The following SAMD4B variants were observed in gnomAD, a reference collection of about 807,000 sequenced individuals.
SAMD4B encodes sterile alpha motif domain containing 4B.
A neutral mutation model predicts 74.5 loss-of-function variants in SAMD4B; 5 were observed. The ratio of observed to expected loss-of-function variants is 0.07; its 90% CI spans 0.04 to 0.14. SAMD4B has a LOEUF of 0.14. Ranked by LOEUF, SAMD4B falls within the 10% of genes least tolerant of loss-of-function variation. The probability of loss-of-function intolerance (pLI) is 1.00; values close to 1 mark genes in which losing one functional copy is unlikely to be tolerated. For synonymous variants in SAMD4B, 373 were observed against 374.9 expected (o/e 1.00, Z 0.06); for missense variants, 608 against 921.8 (o/e 0.66, Z 4.41).
At chr19:39,342,735 C>T (rs1182289568) in intron 1 of SAMD4B, among the ~76,000 whole-genome samples, 159 bp downstream of exon 1, 5 of 151,044 alleles carry the variant, frequency 3.3e-5, no homozygotes, top group African/African-American at 1.2e-4. Context: ...CTCGGGGGGC[C>T]GGGCCCCACG....
chr19:39,384,625 G>A lies in SAMD4B; in HGVS notation c.*1098G>A, dbSNP rs190334079. The A allele has an allele frequency of 4.6e-5, 7 of 152,534 alleles. No homozygotes were observed. Among genetic ancestry groups the A allele is most frequent in the South Asian group, 2.1e-4 (1 of 4,810 alleles). The allele number at this position is 152,534 out of a possible 1,614,324, so 9.4% of individuals were successfully genotyped here. ...GAGATTCGTCCCAGCCCCAGAGTCC[G>A]ACAGACTGTCTGGTCCCTATTCCTA... On this transcript the variant is annotated 3_prime_UTR_variant, in exon 14 of 14. Coordinates refer to ENST00000610417, the MANE Select transcript of SAMD4B (RefSeq NM_001384574.2).
At chr19:39,367,840 T>C (rs2077058101) in intron 3 of SAMD4B, among the ~76,000 whole-genome samples, 1 of 150,824 alleles carries the variant, frequency 6.6e-6, no homozygotes. Context: ...AGAGTCAGAC[T>C]TGTAACAGTT....
At chr19:39,344,607 A>G (rs1464116627) in intron 1 of SAMD4B, among the ~76,000 whole-genome samples, 1 of 152,012 alleles carries the variant, frequency 6.6e-6, no homozygotes, top group East Asian at 1.9e-4. Context: ...ATTGCTATTT[A>G]CACCCTCTCA....
intron 1 of SAMD4B, among the ~76,000 whole-genome samples, chr19:39,343,572 C>G (rs1021250281): frequency 1.3e-5 from 2 of 151,306 alleles, no homozygotes; most frequent in African/African-American, 4.9e-5. Context: ...GGCCTCCTGT[C>G]TCCCCCTGGT....
chr19:39,346,406 A>C (rs1009279702), intron 1 of SAMD4B, among the ~76,000 whole-genome samples: 1 of 152,196 alleles, frequency 6.6e-6, no homozygotes, highest in African/African-American at 2.4e-5. Context: ...CTCTTCACCC[A>C]AAAGATAGAG....
intron 3 of SAMD4B, among the ~76,000 whole-genome samples, chr19:39,361,690 G>A (rs1425096755): frequency 4.0e-5 from 6 of 151,738 alleles, no homozygotes; most frequent in African/African-American, 1.2e-4. Flanking sequence ...TTCGGAGGCC[G>A]AGGTGGGCGG....
intron 3 of SAMD4B, among the ~76,000 whole-genome samples, chr19:39,362,728 A>G (rs1452273368): frequency 6.6e-6 from 1 of 152,094 alleles, no homozygotes; most frequent in East Asian, 1.9e-4. Flanking sequence ...GGGGAGCTGA[A>G]TTCCACTTCC....
rs758114436 is a variant in SAMD4B at position 39,380,993 on chromosome 19, C to A, written c.1852C>A (p.Leu618Met). The stretch of plus-strand genomic sequence containing the variant: ...TCTCTTCCTGGGACCTGTGTAGAAC[C>A]TGTGGTTTGCCAACCCTGGAGGCAG... ...PSLGGQGRQN[L>M]WFANPGGSNS... Residue 618 changes from leucine to methionine, a missense_variant, in exon 12 of 14, where the codon CTG becomes ATG. Around this residue, in one of 9 missense-constraint regions of SAMD4B, gnomAD observed 167 missense variants for 193.0 expected, o/e 0.87. Coordinates refer to ENST00000610417, the MANE Select transcript of SAMD4B (RefSeq NM_001384574.2). The A allele has an allele frequency of 3.1e-6, 5 of 1,607,000 alleles. No homozygotes were observed. In the South Asian group the frequency reaches 5.6e-5, roughly 18 times the overall value.
In SAMD4B at chr19:39,380,670, T is replaced by C. The variant is rs2077914661; in HGVS notation, c.1733T>C (p.Met578Thr). 22 of 1,613,826 alleles carry C rather than the reference T, an allele frequency of 1.4e-5. No homozygotes were observed. Among genetic ancestry groups the C allele is most frequent in the Non-Finnish European group, 1.9e-5 (22 of 1,179,958 alleles). The stretch of plus-strand genomic sequence containing the variant: ...CGGCGTACCCAGCGGCAGTTCCCAA[T>C]GCCTCCCCGGGCCCTCCCACCCGGC... ...VARRTQRQFPMPPRALPPGRM... is the reference protein window; with the variant it reads ...VARRTQRQFPTPPRALPPGRM... The change falls in exon 11 of 14, where the codon ATG becomes ACG. Residue 578 changes from methionine to threonine, a missense_variant. Physicochemically the swap from Met to Thr is moderately conservative, Grantham distance 81 (BLOSUM62 -1). Transcript: ENST00000610417.
chr19:39,370,874 T>C (rs36264), intron 4 of SAMD4B, among the ~76,000 whole-genome samples: 43,822 of 152,152 alleles, frequency 0.29, 12,164 homozygotes, highest in African/African-American at 0.73. Context: ...GATGAGGACA[T>C]CGGGACTCAG....
chr19:39,387,731 A>G (rs1843757430), downstream of SAMD4B, among the ~76,000 whole-genome samples: 1 of 152,202 alleles, frequency 6.6e-6, no homozygotes, highest in South Asian at 2.1e-4. Flanking sequence ...CATTCATGCT[A>G]ATTTTATATA....
At chr19:39,343,664 AT>A (rs754884006) in intron 1 of SAMD4B, among the ~76,000 whole-genome samples, 1 of 149,390 alleles carries the variant, frequency 6.7e-6, no homozygotes, top group Non-Finnish European at 1.5e-5. Context: ...ACCCCCACTC[AT>A]TCTAAAAATC....
In SAMD4B at chr19:39,369,916, G is replaced by A; in HGVS notation, c.458G>A (p.Arg153Gln). ...CTCTGGCTGAGCCACCTGGAAGAGC[G>A]GTTGGCTAGTGGCTTCCGCTCCCGG... ...LALWLSHLEE[R>Q]LASGFRSRPE... The change falls in exon 4 of 14, where the codon CGG becomes CAG. Residue 153 changes from arginine to glutamine, a missense_variant. By Grantham distance (43) the Arg-to-Gln change is conservative. Transcript: ENST00000610417. 5 of 1,614,200 alleles carry A rather than the reference G, an allele frequency of 3.1e-6. No homozygotes were observed. The highest frequency in any genetic ancestry group is 3.4e-6 in the Non-Finnish European group (4 of 1,180,038).
Position 39,357,103 on chromosome 19 carries a change from C to G in SAMD4B, c.196+14C>G, listed in dbSNP as rs778769853. The G allele has an allele frequency of 6.3e-7, 1 of 1,590,864 alleles. No individual in the cohort carries two copies. The highest frequency in any genetic ancestry group is 8.6e-7 in the Non-Finnish European group (1 of 1,163,350). ...CCAACAGTGCTGGTGAGTTTCCACC[C>G]TTAGAGATGGGAGCACAGCAGGAGG... On this transcript the variant is annotated intron_variant, in intron 3 of 13. Transcript: ENST00000610417.
intron 3 of SAMD4B, among the ~76,000 whole-genome samples, chr19:39,367,023 C>T (rs561761172): frequency 1.3e-5 from 2 of 152,366 alleles, no homozygotes; most frequent in African/African-American, 4.8e-5. Flanking sequence ...TGAGGACTTA[C>T]TCTATGCTGT....
At chr19:39,365,106 T>TGTGGTGGCGGGC (rs1270661874) in intron 3 of SAMD4B, among the ~76,000 whole-genome samples, 1 of 150,550 alleles carries the variant, frequency 6.6e-6, no homozygotes, top group East Asian at 2.0e-4. Flanking sequence ...ATTAGCCGGG[T>TGTGGTGGCGGGC]GTGGTGGCGG....
intron 1 of SAMD4B, among the ~76,000 whole-genome samples, chr19:39,343,575 C>T (rs775602911): frequency 7.3e-5 from 11 of 151,256 alleles, no homozygotes; most frequent in Non-Finnish European, 1.5e-4. Context: ...CTCCTGTCTC[C>T]CCCTGGTCTC....
In SAMD4B at chr19:39,375,678, A is replaced by G; in HGVS notation, c.696A>G (p.Pro232=). The G allele has an allele frequency of 1.2e-6, 2 of 1,611,326 alleles. No homozygotes were observed. Among genetic ancestry groups the G allele is most frequent in the Non-Finnish European group, 1.7e-6 (2 of 1,177,776 alleles). The change falls in exon 5 of 14, where the codon CCA becomes CCG. Residue 232 remains proline, a synonymous_variant. Coordinates refer to ENST00000610417, the MANE Select transcript of SAMD4B (RefSeq NM_001384574.2). The surrounding 1 kb of genome is among the most constrained non-coding windows in gnomAD (Gnocchi z 4.1). ...TGLPCQIHPS[P]LKRSMSLIPT... ...TCCCCTGCCAAATCCACCCTAGCCC[A>G]CTGAAGCGCTCCATGTCACTCATCC...
At position 39,378,345 on chromosome 19, in the gene SAMD4B, A is replaced by G. The variant is rs1479591573; in HGVS notation, c.1445-159A>G. Among the ~76,000 whole-genome samples the G allele has an allele frequency of 1.3e-5, 2 of 152,190 alleles. No individual in the cohort carries two copies. Among genetic ancestry groups the G allele is most frequent in the African/African-American group, 4.8e-5 (2 of 41,438 alleles). ...GATTGTGTCAGGCACTATGTTGTAT[A>G]TCCTCATGATAACCCAAATACCATG... On this transcript the variant is annotated intron_variant, in intron 8 of 13. Coordinates refer to ENST00000610417, the MANE Select transcript of SAMD4B (RefSeq NM_001384574.2). The surrounding 1 kb of genome is among the most constrained non-coding windows in gnomAD (Gnocchi z 4.4).
Sources: allele counts gnomAD v4.1 joint callset (sites outside exome capture counted in the v4.1 genomes callset), GRCh38; gene constraint gnomAD v4.1.1; regional missense constraint gnomAD v4.1.1; non-coding constraint Gnocchi (gnomAD v3.1); transcripts MANE v1.5; gene names NCBI Gene and HGNC (gene_info 2026-07-23, HGNC 2026-07-21).